ADAMTS2: variants seen among roughly 807,000 people sequenced by gnomAD.
ADAMTS2 encodes ADAM metallopeptidase with thrombospondin type 1 motif 2, also known as A disintegrin and metalloproteinase with thrombospondin motifs 2.
Under a neutral mutation model 123.0 loss-of-function variants are expected in ADAMTS2, and 50 were observed. That is an observed-to-expected ratio of 0.41 (90% CI 0.32 to 0.51). ADAMTS2 has a LOEUF of 0.51. ADAMTS2 is among the 20% of genes least tolerant of loss of function. The probability of loss-of-function intolerance (pLI) is 0.35; values close to 1 mark genes in which losing one functional copy is unlikely to be tolerated. For missense variants in ADAMTS2, 1,494 were observed against 1,705.2 expected (o/e 0.88, Z 2.18); for synonymous variants, 678 against 695.4 (o/e 0.98, Z 0.39).
At position 179,114,262 on chromosome 5, in the gene ADAMTS2, A is replaced by G. The variant is rs1762623346; in HGVS notation, c.3241T>C (p.Ser1081Pro). Residue 1081 changes from serine (S) to proline (P), a missense_variant, in exon 22 of 22, where the codon TCC (serine) becomes CCC (proline). Physicochemically the swap from Ser to Pro is moderately conservative, Grantham distance 74. This residue lies in a region of ADAMTS2 where 953 missense variants were observed against 1,124.7 expected (regional missense o/e 0.85). Transcript: ENST00000251582. ...CRMEVLSRYCSIPGYNKLCCK... is the reference protein window; with the variant it reads ...CRMEVLSRYCPIPGYNKLCCK... ...CACAGCTTGTTGTAGCCTGGGATGGAGCAATAGCGGGACAAGACTTCCATC... is the reference window on the plus strand; with the variant it reads ...CACAGCTTGTTGTAGCCTGGGATGGGGCAATAGCGGGACAAGACTTCCATC... 3 of 1,614,042 alleles carry G rather than the reference A, an allele frequency of 1.9e-6. No homozygotes were observed. The highest frequency in any genetic ancestry group is 1.3e-5 in the African/African-American group (1 of 74,914).
chr5:179,141,821 C>T (rs1001241625), intron 10 of ADAMTS2, among the ~76,000 whole-genome samples: 2 of 152,168 alleles, frequency 1.3e-5, no homozygotes, highest in African/African-American at 4.8e-5. Context: ...GGCCTGGGGC[C>T]CCCTTCCCCC....
In ADAMTS2 at chr5:179,189,586, T is replaced by C. The variant is rs1412694179; in HGVS notation, c.892-8431A>G. On this transcript the variant is annotated intron_variant, in intron 4 of 21. Coordinates refer to ENST00000251582, the MANE Select transcript of ADAMTS2 (RefSeq NM_014244.5). This position sits in a 1 kb window ranked among gnomAD's most constrained non-coding sequence, Gnocchi z 4.2. Reference sequence around the variant, plus strand: ...GTTAGCCAGGATGGTCTTGATCTCCTGACTTCATGATCTGCCCGCCTCGGC... The same window carrying C: ...GTTAGCCAGGATGGTCTTGATCTCCCGACTTCATGATCTGCCCGCCTCGGC... Among the ~76,000 whole-genome samples the C allele has an allele frequency of 1.4e-5, 2 of 140,216 alleles. No individual in the cohort carries two copies. Among genetic ancestry groups the C allele is most frequent in the South Asian group, 2.5e-4 (1 of 4,026 alleles). 92.0% of individuals were successfully genotyped at this position (140,216 alleles called of 152,430 possible).
intron 3 of ADAMTS2, among the ~76,000 whole-genome samples, chr5:179,236,298 G>A (rs1014646715): frequency 1.6e-4 from 25 of 152,180 alleles, no homozygotes; most frequent in African/African-American, 5.8e-4. Context: ...GTCTTCAGGT[G>A]CTTGGGGAAG....
Position 179,155,085 on chromosome 5 carries a change from T to C in ADAMTS2, c.1133-166A>G, listed in dbSNP as rs1763443010. ...CTCAGAAGACACCACAGCAGACAGC[T>C]CATAGCCTGTGACATCTGGCTGACA... On this transcript the variant is annotated intron_variant, in intron 6 of 21. Coordinates refer to ENST00000251582, the MANE Select transcript of ADAMTS2 (RefSeq NM_014244.5). This position sits in a 1 kb window ranked among gnomAD's most constrained non-coding sequence, Gnocchi z 5.1. 6.6e-6 allele frequency among the ~76,000 whole-genome samples: 1 copy of C among 152,162 alleles called. No individual in the cohort carries two copies. Among genetic ancestry groups the C allele is most frequent in the Non-Finnish European group, 1.5e-5 (1 of 68,022 alleles).
Position 179,317,089 on chromosome 5 carries a change from G to A in ADAMTS2, c.534+26678C>T, listed in dbSNP as rs1057372065. On this transcript the variant is annotated intron_variant, in intron 2 of 21. Transcript: ENST00000251582. This position sits in a 1 kb window ranked among gnomAD's most constrained non-coding sequence, Gnocchi z 4.9. ...AATTCTCAGCAACAGACAATTACAG[G>A]AACACAAGGACAAAGCCCAGAGCCC... Among the ~76,000 whole-genome samples, 16 of 152,124 alleles carry A rather than the reference G, an allele frequency of 1.1e-4. No homozygotes were observed. Among genetic ancestry groups the A allele is most frequent in the Non-Finnish European group, 2.2e-4 (15 of 68,012 alleles).
At chr5:179,275,269 C>T (rs1346338227) in intron 2 of ADAMTS2, among the ~76,000 whole-genome samples, 3 of 151,910 alleles carry the variant, frequency 2.0e-5, no homozygotes, top group South Asian at 2.1e-4. Flanking sequence ...ATGGTCCAGA[C>T]GGGAGCATGA....
intron 5 of ADAMTS2, among the ~76,000 whole-genome samples, chr5:179,165,415 C>T (rs1317432921): frequency 6.6e-6 from 1 of 152,224 alleles, no homozygotes; most frequent in Non-Finnish European, 1.5e-5. Context: ...TCATCTACGT[C>T]CCTCCCAGTC....
intron 5 of ADAMTS2, among the ~76,000 whole-genome samples, chr5:179,173,106 G>C (rs1490713960): frequency 6.6e-6 from 1 of 151,498 alleles, no homozygotes; most frequent in Non-Finnish European, 1.5e-5. Context: ...AAGCTACTTG[G>C]GAGGCCGAGA....
At chr5:179,258,307 C>T (rs923789614) in intron 3 of ADAMTS2, among the ~76,000 whole-genome samples, 6 of 151,980 alleles carry the variant, frequency 3.9e-5, no homozygotes, top group Admixed American at 1.3e-4. Flanking sequence ...CTGAACTCCT[C>T]GTCAACTTGA....
intron 2 of ADAMTS2, among the ~76,000 whole-genome samples, chr5:179,302,643 G>A (rs1581258731): frequency 6.6e-6 from 1 of 152,066 alleles, no homozygotes; most frequent in East Asian, 2.0e-4. Context: ...ATCTCCCGGG[G>A]GGGCAAATGG....
At chr5:179,133,532 AG>A (rs1238161615) in intron 13 of ADAMTS2, among the ~76,000 whole-genome samples, 1 of 151,980 alleles carries the variant, frequency 6.6e-6, no homozygotes, top group Non-Finnish European at 1.5e-5. Flanking sequence ...GGCCTCCCAA[AG>A]TGCTGGGATT....
chr5:179,259,510 A>G (rs560507211), intron 3 of ADAMTS2, among the ~76,000 whole-genome samples: 1 of 152,190 alleles, frequency 6.6e-6, no homozygotes, highest in Non-Finnish European at 1.5e-5. Context: ...TTATGTCCAG[A>G]GACAACCGCG....
chr5:179,172,670 CCCA>C (rs1763847919), intron 5 of ADAMTS2, among the ~76,000 whole-genome samples: 2 of 152,360 alleles, frequency 1.3e-5, no homozygotes, highest in South Asian at 4.1e-4. Flanking sequence ...TCCTCCCCAG[CCCA>C]CTGCAGAGAT....
chr5:179,292,439 T>A (rs528484550), intron 2 of ADAMTS2, among the ~76,000 whole-genome samples: 1 of 151,812 alleles, frequency 6.6e-6, no homozygotes, highest in African/African-American at 2.4e-5. Flanking sequence ...GTAACGAGGG[T>A]CTCTGCATGC....
chr5:179,265,088 AC>A (rs2113497194), intron 3 of ADAMTS2, among the ~76,000 whole-genome samples: 1 of 138,900 alleles, frequency 7.2e-6, no homozygotes, highest in East Asian at 2.0e-4. Flanking sequence ...CCACTCACCC[AC>A]CTAGTGCTGG....
chr5:179,115,680 A>AGG lies in ADAMTS2; in HGVS notation c.3179-1357_3179-1356insCC, dbSNP rs1202288930. Among the ~76,000 whole-genome samples, 82 of 152,228 alleles carry AGG rather than the reference A, an allele frequency of 5.4e-4. No homozygotes were observed. Among genetic ancestry groups the AGG allele is most frequent in the Admixed American group, 3.4e-3 (52 of 15,294 alleles). On this transcript the variant is annotated intron_variant, in intron 21 of 21. Transcript: ENST00000251582. The surrounding 1 kb of genome is among the most constrained non-coding windows in gnomAD (Gnocchi z 4.4). ...AGGAAAGGGAGGGAGGGACAAAAGG[A>AGG]AGAAAGGGAGGAGGAAAGGGAGGGA...
At chr5:179,278,341 CACAG>C (rs1368009240) in intron 2 of ADAMTS2, among the ~76,000 whole-genome samples, 1 of 151,982 alleles carries the variant, frequency 6.6e-6, no homozygotes, top group Non-Finnish European at 1.5e-5. Context: ...GTCTAAAACA[CACAG>C]AAGAAAATTG....
intron 19 of ADAMTS2, among the ~76,000 whole-genome samples, chr5:179,123,004 A>G (rs1448166260): frequency 1.3e-5 from 2 of 152,196 alleles, no homozygotes; most frequent in Non-Finnish European, 2.9e-5. Flanking sequence ...CTGCTGTGAG[A>G]CAGTGCCCAT....
At chr5:179,331,170 C>T (rs1051922578) in intron 2 of ADAMTS2, among the ~76,000 whole-genome samples, 33 of 150,444 alleles carry the variant, frequency 2.2e-4, no homozygotes, top group Middle Eastern at 3.4e-3. Context: ...CGACGAAGGG[C>T]CCCCAGCCAG....
Sources: gnomAD v4.1 joint callset for allele counts (sites outside exome capture counted in the v4.1 genomes callset) on GRCh38, gnomAD v4.1.1 for gene constraint, gnomAD v4.1.1 regional missense constraint, Gnocchi (gnomAD v3.1) non-coding constraint, MANE v1.5 for transcripts, NCBI Gene and HGNC (gene_info 2026-07-23, HGNC 2026-07-21) for gene names.